KCNQ5: variants seen among roughly 807,000 people sequenced by gnomAD.
KCNQ5 encodes potassium voltage-gated channel subfamily KQT member 5.
A neutral mutation model predicts 98.2 loss-of-function variants in KCNQ5; 30 were observed. The observed-to-expected ratio is 0.31, with a 90% CI of 0.23 to 0.41. KCNQ5 has a LOEUF of 0.41. Among genes scored for constraint, KCNQ5 ranks in the 10% least tolerant of loss-of-function variants. The pLI, the probability that KCNQ5 is intolerant of heterozygous loss-of-function variation, is 1.00. For synonymous variants in KCNQ5, 458 were observed against 449.4 expected (o/e 1.02, Z -0.24); for missense variants, 835 against 1,182.5 (o/e 0.71, Z 4.31).
intron 2 of KCNQ5, among the ~76,000 whole-genome samples, chr6:73,035,164 C>G (rs1771356895): frequency 6.6e-6 from 1 of 152,100 alleles, no homozygotes; most frequent in African/African-American, 2.4e-5. Context: ...TCTTAGGCTT[C>G]TTAATTTCCT....
chr6:73,015,929 A>C (rs745678837), intron 2 of KCNQ5, among the ~76,000 whole-genome samples: 1 of 152,058 alleles, frequency 6.6e-6, no homozygotes, highest in Non-Finnish European at 1.5e-5. Flanking sequence ...TCTACTTGAC[A>C]TTGTATCTTC....
chr6:72,853,484 C>T (rs1164199447), intron 1 of KCNQ5, among the ~76,000 whole-genome samples: 1 of 152,148 alleles, frequency 6.6e-6, no homozygotes, highest in Non-Finnish European at 1.5e-5. Flanking sequence ...GCTGGGACTA[C>T]AGGCACGTGC....
chr6:72,983,644 T>C (rs1270512711), intron 1 of KCNQ5, among the ~76,000 whole-genome samples: 1 of 152,154 alleles, frequency 6.6e-6, no homozygotes, highest in East Asian at 1.9e-4. Flanking sequence ...GAGAATTTTG[T>C]TATTACCAAC....
intron 1 of KCNQ5, among the ~76,000 whole-genome samples, chr6:72,706,526 A>G (rs1769093081): frequency 6.6e-6 from 1 of 152,058 alleles, no homozygotes; most frequent in Non-Finnish European, 1.5e-5. Flanking sequence ...CAGCTTAAGA[A>G]TATCAATCTG....
intron 2 of KCNQ5, among the ~76,000 whole-genome samples, chr6:73,005,169 T>C (rs539025059): frequency 5.5e-4 from 84 of 152,298 alleles, no homozygotes; most frequent in African/African-American, 2.0e-3. Context: ...CATGTTAAGG[T>C]TACCGTTTCA....
At chr6:73,140,688 C>T (rs1776668390) in intron 10 of KCNQ5, among the ~76,000 whole-genome samples, 1 of 152,194 alleles carries the variant, frequency 6.6e-6, no homozygotes, top group African/African-American at 2.4e-5. Flanking sequence ...TCATATTTAA[C>T]TCTATATTCA....
chr6:73,047,454 C>T (rs1490874082), intron 3 of KCNQ5, among the ~76,000 whole-genome samples: 3 of 152,178 alleles, frequency 2.0e-5, no homozygotes, highest in African/African-American at 7.2e-5. Context: ...GCAGGACTAC[C>T]TTCAAATGTT....
Position 73,085,604 on chromosome 6 carries a change from G to A in KCNQ5, c.918+7717G>A, listed in dbSNP as rs77649767. ...CCGGAGTGTAGGGAGAAAGTGGGCAGGGTCTTTGCTCACCCCCAGAGGAAC... is the reference window on the plus strand; with the variant it reads ...CCGGAGTGTAGGGAGAAAGTGGGCAAGGTCTTTGCTCACCCCCAGAGGAAC... On this transcript the variant is annotated intron_variant, in intron 5 of 13. Coordinates refer to ENST00000370398, the MANE Select transcript of KCNQ5 (RefSeq NM_019842.4). Among the ~76,000 whole-genome samples the A allele has an allele frequency of 1.3e-3, 197 of 152,060 alleles. 2 individuals carry two copies. In the East Asian group the frequency reaches 0.031, roughly 24 times the overall value.
intron 1 of KCNQ5, among the ~76,000 whole-genome samples, chr6:72,978,650 C>T (rs913009004): frequency 1.3e-5 from 2 of 152,104 alleles, no homozygotes; most frequent in African/African-American, 2.4e-5. Flanking sequence ...AGAATAAGTA[C>T]ATAGATAAAG....
intron 1 of KCNQ5, among the ~76,000 whole-genome samples, chr6:72,917,527 C>T (rs547637606): frequency 1.2e-3 from 178 of 151,564 alleles, no homozygotes; most frequent in African/African-American, 3.9e-3. Flanking sequence ...GGCTGGAGTG[C>T]AGTGGCATGA....
rs145768625 is a variant in KCNQ5, at chr6:72,960,743, T to C, written c.399-43165T>C. Among the ~76,000 whole-genome samples, 175 of 152,326 alleles carry C rather than the reference T, an allele frequency of 1.1e-3. 1 individual carries two copies. The highest frequency in any genetic ancestry group is 4.0e-3 in the African/African-American group (168 of 41,578). ...GCCCAACCCAGATAAGTTACTTTTA[T>C]ACAGAACTGTTATCTAATGAAACAA... is the stretch of plus-strand genomic sequence containing the variant. On this transcript the variant is annotated intron_variant, in intron 1 of 13. Transcript: ENST00000370398.
At chr6:72,882,378 G>A (rs566709131) in intron 1 of KCNQ5, among the ~76,000 whole-genome samples, 268 of 152,290 alleles carry the variant, frequency 1.8e-3, no homozygotes, top group Middle Eastern at 6.8e-3. Flanking sequence ...TGTTAGTAAT[G>A]CAGAGCAGGG....
At chr6:72,749,628 G>A (rs1771577102) in intron 1 of KCNQ5, among the ~76,000 whole-genome samples, 1 of 152,016 alleles carries the variant, frequency 6.6e-6, no homozygotes, top group Non-Finnish European at 1.5e-5. Context: ...AAAGGGACAG[G>A]GAAATAGTCC....
chr6:73,010,418 G>A (rs1459753295), intron 2 of KCNQ5, among the ~76,000 whole-genome samples: 2 of 151,844 alleles, frequency 1.3e-5, no homozygotes, highest in East Asian at 1.9e-4. Flanking sequence ...ATACACAAAG[G>A]TGAAAGACTA....
At chr6:73,078,833 C>T (rs1773642677) in intron 5 of KCNQ5, among the ~76,000 whole-genome samples, 1 of 152,150 alleles carries the variant, frequency 6.6e-6, no homozygotes, top group East Asian at 1.9e-4. Flanking sequence ...CTCTGAACAA[C>T]GCATAGTTTT....
At chr6:73,020,270 T>C (rs1197837914) in intron 2 of KCNQ5, among the ~76,000 whole-genome samples, 3 of 152,244 alleles carry the variant, frequency 2.0e-5, no homozygotes, top group Middle Eastern at 3.4e-3. Flanking sequence ...ACCAATCAAC[T>C]ATAGATCAGC....
intron 1 of KCNQ5, among the ~76,000 whole-genome samples, chr6:72,666,326 AC>A (rs1373299789): frequency 6.8e-6 from 1 of 146,396 alleles, no homozygotes; most frequent in Non-Finnish European, 1.5e-5. Context: ...GAAAATAACA[AC>A]TGGAATAAAT....
intron 1 of KCNQ5, among the ~76,000 whole-genome samples, chr6:72,770,016 G>A (rs1772776914): frequency 6.6e-6 from 1 of 152,006 alleles, no homozygotes; most frequent in East Asian, 1.9e-4. Flanking sequence ...TTCAATAAAA[G>A]AAACAGAAGC....
intron 1 of KCNQ5, among the ~76,000 whole-genome samples, chr6:72,982,913 T>C (rs1174359248): frequency 1.3e-5 from 2 of 152,216 alleles, no homozygotes; most frequent in Non-Finnish European, 2.9e-5. Context: ...AGGATTTTAT[T>C]TCTCCTTCAC....
Sources: allele counts gnomAD v4.1 joint callset (sites outside exome capture counted in the v4.1 genomes callset), GRCh38; gene constraint gnomAD v4.1.1; transcripts MANE v1.5; gene names NCBI Gene and HGNC (gene_info 2026-07-23, HGNC 2026-07-21).